Variants in CSTPP1 observed in about 807,000 individuals in gnomAD.
CSTPP1 encodes the protein UPF0705 protein C11orf49.
the CSTPP1 span, among the ~76,000 whole-genome samples, chr11:47,016,397 C>CAAAAAAAAAAAAAAAAAAAA: frequency 2.7e-5 from 2 of 74,704 alleles, no homozygotes; most frequent in African/African-American, 6.1e-5. Flanking sequence ...CTACAAAAAA[C>CAAAAAAAAAAAAAAAAAAAA]AAAAAACAAA....
the CSTPP1 span, among the ~76,000 whole-genome samples, chr11:47,102,795 G>A: frequency 2.6e-5 from 4 of 152,186 alleles, no homozygotes; most frequent in East Asian, 1.9e-4. Context: ...AAACTTGAAC[G>A]AAATGAAATG....
the CSTPP1 span, among the ~76,000 whole-genome samples, chr11:47,022,458 C>T: frequency 7.0e-6 from 1 of 143,610 alleles, no homozygotes; most frequent in Non-Finnish European, 1.5e-5. Flanking sequence ...CAACCTCTGC[C>T]TCCTGGGTTC....
the CSTPP1 span, among the ~76,000 whole-genome samples, chr11:47,082,584 A>G: frequency 6.6e-6 from 1 of 152,200 alleles, no homozygotes. Context: ...CAATTCACCT[A>G]TTTAAAGTGT....
chr11:47,126,895 C>T, the CSTPP1 span, among the ~76,000 whole-genome samples: 241 of 145,076 alleles, frequency 1.7e-3, 1 homozygote, highest in Admixed American at 3.1e-3. Context: ...ATGACGCCAC[C>T]GCACTCCAGC....
At chr11:46,952,495 G>A in the CSTPP1 span, among the ~76,000 whole-genome samples, 4 of 152,204 alleles carry the variant, frequency 2.6e-5, no homozygotes, top group African/African-American at 9.7e-5. Context: ...GTCATACCTA[G>A]TATATGCGGT....
At chr11:47,131,063 T>C in the CSTPP1 span, among the ~76,000 whole-genome samples, 2 of 152,126 alleles carry the variant, frequency 1.3e-5, no homozygotes, top group African/African-American at 2.4e-5. Context: ...AACCAACATA[T>C]AGGCACTCAC....
At chr11:47,150,990 G>A in the CSTPP1 span, among the ~76,000 whole-genome samples, 5 of 149,758 alleles carry the variant, frequency 3.3e-5, no homozygotes, top group South Asian at 2.1e-4. Flanking sequence ...AGGTTCAAGC[G>A]ATTCTCCAGC....
At chr11:46,947,016 T>C in the CSTPP1 span, among the ~76,000 whole-genome samples, 2 of 152,212 alleles carry the variant, frequency 1.3e-5, no homozygotes, top group African/African-American at 4.8e-5. Flanking sequence ...CCCCCTTCCA[T>C]GAATGAAAAA....
At chr11:47,116,871 C>A in the CSTPP1 span, among the ~76,000 whole-genome samples, 1 of 151,848 alleles carries the variant, frequency 6.6e-6, no homozygotes, top group South Asian at 2.1e-4. Context: ...TTAGTAGAGA[C>A]GGGGTTTCAC....
the CSTPP1 span, among the ~76,000 whole-genome samples, chr11:47,075,398 A>C: frequency 2.0e-5 from 3 of 152,214 alleles, 1 homozygote; most frequent in African/African-American, 7.2e-5. Flanking sequence ...AATAAAATAA[A>C]AGTATAATAA....
chr11:47,161,515 C>CA, the CSTPP1 span: 6 of 1,614,160 alleles, frequency 3.7e-6, no homozygotes, highest in African/African-American at 1.3e-5. Flanking sequence ...GTCCAGAGGC[C>CA]AGTTGCCTGC....
chr11:47,086,399 C>G, the CSTPP1 span, among the ~76,000 whole-genome samples: 1 of 151,350 alleles, frequency 6.6e-6, no homozygotes, highest in African/African-American at 2.4e-5. Context: ...GAGTGAGACT[C>G]TGTGGAAAAA....
chr11:47,128,601 T>C, the CSTPP1 span, among the ~76,000 whole-genome samples: 2 of 152,258 alleles, frequency 1.3e-5, no homozygotes, highest in East Asian at 3.9e-4. Context: ...TTGCCCAGGC[T>C]GGTCTTGAAC....
chr11:47,085,450 C>T, the CSTPP1 span, among the ~76,000 whole-genome samples: 1 of 152,068 alleles, frequency 6.6e-6, no homozygotes, highest in Non-Finnish European at 1.5e-5. Context: ...TTGGTTTAGT[C>T]TTCTCTGTCA....
the CSTPP1 span, among the ~76,000 whole-genome samples, chr11:46,963,745 A>G: frequency 4.0e-5 from 6 of 150,996 alleles, no homozygotes; most frequent in African/African-American, 1.2e-4. Flanking sequence ...AGATCACGCC[A>G]TTGCACTCCA....
chr11:47,008,636 T>C, the CSTPP1 span, among the ~76,000 whole-genome samples: 1 of 152,162 alleles, frequency 6.6e-6, no homozygotes, highest in African/African-American at 2.4e-5. Context: ...CCACTGTGCC[T>C]AGCCAATATC....
chr11:47,063,210 T>C, the CSTPP1 span, among the ~76,000 whole-genome samples: 17 of 152,186 alleles, frequency 1.1e-4, no homozygotes, highest in Non-Finnish European at 2.2e-4. Flanking sequence ...TATTTCATCT[T>C]GAAACTAGGT....
chr11:47,086,331 G>A, the CSTPP1 span, among the ~76,000 whole-genome samples: 8 of 151,230 alleles, frequency 5.3e-5, no homozygotes, highest in South Asian at 2.1e-4. Context: ...CCTTGAACCC[G>A]GGAGGCAGCG....
chr11:47,154,175 G>A, the CSTPP1 span, among the ~76,000 whole-genome samples: 1 of 152,040 alleles, frequency 6.6e-6, no homozygotes, highest in Non-Finnish European at 1.5e-5. Flanking sequence ...GACCTCAAAT[G>A]ATTCACCCAT....
Sources: gnomAD v4.1 joint callset for allele counts (sites outside exome capture counted in the v4.1 genomes callset) on GRCh38, gnomAD v4.1.1 for gene constraint, MANE v1.5 for transcripts, NCBI Gene and HGNC (gene_info 2026-07-23, HGNC 2026-07-21) for gene names.